Variants in GALNTL6 observed in about 807,000 individuals in gnomAD.
GALNTL6 encodes the protein polypeptide N-acetylgalactosaminyltransferase like 6.
GALNTL6 carries 46 observed loss-of-function variants against 73.7 expected under a neutral mutation model. The ratio of observed to expected loss-of-function variants is 0.62; its 90% CI spans 0.49 to 0.80. The LOEUF (loss-of-function observed/expected upper bound fraction) is 0.80. Among genes scored for constraint, GALNTL6 ranks in the 30% least tolerant of loss-of-function variants. The pLI is 0.00. For synonymous variants in GALNTL6, 259 were observed against 263.7 expected, an observed-to-expected ratio of 0.98 and a Z score of 0.17; for missense variants, 604 against 755.0, an observed-to-expected ratio of 0.80 and a Z score of 2.34.
At chr4:172,482,424 CTCA>C (rs1258200021) in intron 5 of GALNTL6, among the ~76,000 whole-genome samples, 1 of 152,240 alleles carries the variant, frequency 6.6e-6, no homozygotes, top group Non-Finnish European at 1.5e-5. Flanking sequence ...GTTGTCACTT[CTCA>C]TCAAGTTAGG....
chr4:172,727,288 A>G (rs1735873350), intron 5 of GALNTL6, among the ~76,000 whole-genome samples: 1 of 152,216 alleles, frequency 6.6e-6, no homozygotes, highest in African/African-American at 2.4e-5. Context: ...GCAGAAAGTC[A>G]TATACTTTAC....
chr4:171,925,515 C>T (rs1737949684), intron 2 of GALNTL6, among the ~76,000 whole-genome samples: 1 of 152,158 alleles, frequency 6.6e-6, no homozygotes, highest in Non-Finnish European at 1.5e-5. Flanking sequence ...GTGTCTAAGA[C>T]ATCCCGCTGA....
chr4:172,798,557 G>T (rs1306561288), intron 5 of GALNTL6, among the ~76,000 whole-genome samples: 6 of 152,146 alleles, frequency 3.9e-5, no homozygotes, highest in Admixed American at 2.0e-4. Context: ...ATGGAACTAT[G>T]AGCCAATTAA....
intron 8 of GALNTL6, among the ~76,000 whole-genome samples, chr4:172,892,355 T>C (rs1486022971): frequency 1.3e-5 from 2 of 152,144 alleles, no homozygotes; most frequent in Non-Finnish European, 2.9e-5. Flanking sequence ...GTGGTGTATG[T>C]TGTGTATAGT....
At chr4:172,095,169 T>A (rs1732315871) in intron 2 of GALNTL6, among the ~76,000 whole-genome samples, 1 of 136,892 alleles carries the variant, frequency 7.3e-6, no homozygotes, top group South Asian at 2.5e-4. Context: ...TAAAATAATG[T>A]CAAAAAATTA....
chr4:172,735,552 C>T (rs115510271), intron 5 of GALNTL6, among the ~76,000 whole-genome samples: 7,157 of 152,092 alleles, frequency 0.047, 316 homozygotes, highest in African/African-American at 0.11. Context: ...TTTGAGTTAA[C>T]GCTAAAATGA....
At chr4:172,098,503 T>G (rs978093714) in intron 2 of GALNTL6, among the ~76,000 whole-genome samples, 2 of 151,760 alleles carry the variant, frequency 1.3e-5, no homozygotes, top group Non-Finnish European at 2.9e-5. Context: ...GGAATTGGAG[T>G]GTAAGGATTT....
intron 5 of GALNTL6, among the ~76,000 whole-genome samples, chr4:172,474,858 C>A (rs950969909): frequency 6.6e-6 from 1 of 152,124 alleles, no homozygotes; most frequent in East Asian, 1.9e-4. Flanking sequence ...TTCCTTACTG[C>A]AGTTCATAGC....
At chr4:172,342,512 T>G (rs938386546) in intron 4 of GALNTL6, among the ~76,000 whole-genome samples, 1 of 152,138 alleles carries the variant, frequency 6.6e-6, no homozygotes, top group Admixed American at 6.5e-5. Flanking sequence ...TAATTTATGT[T>G]TAACTCTCTA....
At chr4:172,293,316 G>A (rs1739535843) in intron 3 of GALNTL6, among the ~76,000 whole-genome samples, 1 of 151,954 alleles carries the variant, frequency 6.6e-6, no homozygotes, top group South Asian at 2.1e-4. Flanking sequence ...TTAGCATCAT[G>A]TGCAATTACA....
chr4:171,851,068 T>G (rs1055804479), intron 2 of GALNTL6, among the ~76,000 whole-genome samples: 1 of 152,204 alleles, frequency 6.6e-6, no homozygotes, highest in Non-Finnish European at 1.5e-5. Context: ...TAGTGTATAA[T>G]TCACAAGACA....
chr4:172,783,655 TA>T (rs1025097906), intron 5 of GALNTL6, among the ~76,000 whole-genome samples: 27 of 151,700 alleles, frequency 1.8e-4, no homozygotes, highest in Non-Finnish European at 3.2e-4. Flanking sequence ...CTAATACGGG[TA>T]AAATCAAGGT....
intron 3 of GALNTL6, among the ~76,000 whole-genome samples, chr4:172,284,243 A>G (rs2111085749): frequency 6.6e-6 from 1 of 152,314 alleles, no homozygotes; most frequent in East Asian, 1.9e-4. Flanking sequence ...TATTTTTGCA[A>G]TAGTTAAGGC....
intron 7 of GALNTL6, among the ~76,000 whole-genome samples, chr4:172,873,798 G>A (rs1745059750): frequency 6.6e-6 from 1 of 152,076 alleles, no homozygotes; most frequent in Non-Finnish European, 1.5e-5. Flanking sequence ...CATTAAGCAG[G>A]GTGTAAACGT....
At chr4:172,810,298 A>G (rs1165941482) in intron 6 of GALNTL6, among the ~76,000 whole-genome samples, 2 of 152,200 alleles carry the variant, frequency 1.3e-5, no homozygotes, top group African/African-American at 4.8e-5. Flanking sequence ...GTTCAGTTCA[A>G]GCTTCATTAC....
chr4:172,528,316 TAA>T (rs1220568227), intron 5 of GALNTL6, among the ~76,000 whole-genome samples: 13 of 106,724 alleles, frequency 1.2e-4, no homozygotes, highest in African/African-American at 5.5e-4. Context: ...TTGCTAGAAA[TAA>T]AATATATATA....
intron 3 of GALNTL6, among the ~76,000 whole-genome samples, chr4:172,300,555 G>A (rs1406264187): frequency 2.6e-5 from 4 of 151,996 alleles, no homozygotes; most frequent in Non-Finnish European, 2.9e-5. Flanking sequence ...AGCTCTTTTC[G>A]GGCAGGCCTG....
At chr4:172,066,882 A>G (rs1731381445) in intron 2 of GALNTL6, among the ~76,000 whole-genome samples, 1 of 151,956 alleles carries the variant, frequency 6.6e-6, no homozygotes, top group South Asian at 2.1e-4. Flanking sequence ...CTTTACCTGT[A>G]TTTTCAACTT....
intron 5 of GALNTL6, among the ~76,000 whole-genome samples, chr4:172,377,536 G>C (rs531847384): frequency 6.6e-6 from 1 of 152,168 alleles, no homozygotes; most frequent in African/African-American, 2.4e-5. Context: ...CAGTGCGCCC[G>C]CAGTCCTCAG....
Sources: allele counts gnomAD v4.1 joint callset (sites outside exome capture counted in the v4.1 genomes callset), GRCh38; gene constraint gnomAD v4.1.1; transcripts MANE v1.5; gene names NCBI Gene and HGNC (gene_info 2026-07-23, HGNC 2026-07-21).